RABGAP1L: variants seen among roughly 807,000 people sequenced by gnomAD.
RABGAP1L encodes RAB GTPase activating protein 1 like.
A neutral mutation model predicts 137.7 loss-of-function variants in RABGAP1L; 63 were observed. The ratio of observed to expected loss-of-function variants is 0.46; its 90% CI spans 0.37 to 0.56. The LOEUF is 0.56. RABGAP1L is among the 20% of genes least tolerant of loss of function. The pLI is 0.00. For synonymous variants in RABGAP1L, 431 were observed against 433.7 expected, an observed-to-expected ratio of 0.99 and a Z score of 0.08; for missense variants, 1,095 against 1,244.0, an observed-to-expected ratio of 0.88 and a Z score of 1.80.
chr1:174,308,857 A>G (rs1337396158), intron 11 of RABGAP1L, among the ~76,000 whole-genome samples: 1 of 151,776 alleles, frequency 6.6e-6, no homozygotes, highest in African/African-American at 2.4e-5. Context: ...CCTATTTGGG[A>G]TCCTTTGTGG....
In RABGAP1L at chr1:174,575,880, C is replaced by A. The variant is rs189430012; in HGVS notation, c.1711-61495C>A. Among the ~76,000 whole-genome samples the A allele has an allele frequency of 4.8e-4, 73 of 152,204 alleles. 1 individual carries two copies. Among genetic ancestry groups the A allele is most frequent in the African/African-American group, 1.7e-3 (71 of 41,524 alleles). On this transcript the variant is annotated intron_variant, in intron 13 of 25. Coordinates refer to ENST00000681986, the MANE Select transcript of RABGAP1L (RefSeq NM_001366446.1). Reference sequence around the variant, plus strand: ...GCTGCCAATGCACTGGATATACCAGCATTTATTATTAAGTTTAGTGAGGGC... The same window carrying A: ...GCTGCCAATGCACTGGATATACCAGAATTTATTATTAAGTTTAGTGAGGGC...
intron 12 of RABGAP1L, among the ~76,000 whole-genome samples, chr1:174,381,150 G>T (rs1301430667): frequency 7.5e-6 from 1 of 132,740 alleles, no homozygotes; most frequent in Non-Finnish European, 1.6e-5. Flanking sequence ...TGTGGTCTGA[G>T]AGATAGTTTG....
chr1:174,502,068 A>T (rs1169007099), intron 13 of RABGAP1L, among the ~76,000 whole-genome samples: 1 of 151,744 alleles, frequency 6.6e-6, no homozygotes, highest in Admixed American at 6.5e-5. Context: ...CATGAAAATT[A>T]TAAATAGAAA....
chr1:174,954,818 T>C (rs553098381), intron 19 of RABGAP1L, among the ~76,000 whole-genome samples: 190 of 152,292 alleles, frequency 1.2e-3, no homozygotes, highest in African/African-American at 4.3e-3. Flanking sequence ...TAGGGAAACA[T>C]TGGAGACACC....
At chr1:174,248,955 C>T (rs940947855) in intron 5 of RABGAP1L, among the ~76,000 whole-genome samples, 4 of 152,030 alleles carry the variant, frequency 2.6e-5, no homozygotes, top group East Asian at 1.9e-4. Flanking sequence ...TCAACCTATG[C>T]GTGGGCTGAG....
intron 11 of RABGAP1L, among the ~76,000 whole-genome samples, chr1:174,332,584 T>C (rs1470888460): frequency 6.6e-6 from 1 of 151,876 alleles, no homozygotes; most frequent in Admixed American, 6.6e-5. Flanking sequence ...TTAGTAGAGA[T>C]GGGGTTTTCC....
intron 19 of RABGAP1L, among the ~76,000 whole-genome samples, chr1:174,872,125 C>T (rs1232843233): frequency 1.3e-5 from 2 of 151,578 alleles, no homozygotes; most frequent in Non-Finnish European, 2.9e-5. Context: ...ACTGGTTTTT[C>T]TTTTTTTAGT....
chr1:174,324,227 C>G (rs1456239183), intron 11 of RABGAP1L, among the ~76,000 whole-genome samples: 1 of 151,886 alleles, frequency 6.6e-6, no homozygotes, highest in Non-Finnish European at 1.5e-5. Flanking sequence ...ATGACTACCT[C>G]AAAATGTAAG....
chr1:174,186,509 C>A (rs189020283), intron 1 of RABGAP1L, among the ~76,000 whole-genome samples: 2 of 152,332 alleles, frequency 1.3e-5, no homozygotes, highest in East Asian at 3.9e-4. Flanking sequence ...GTTCAGAATG[C>A]TATCTGTCTA....
intron 13 of RABGAP1L, among the ~76,000 whole-genome samples, chr1:174,467,156 C>G (rs1657392729): frequency 6.6e-6 from 1 of 152,068 alleles, no homozygotes; most frequent in African/African-American, 2.4e-5. Flanking sequence ...GCCATTTATT[C>G]TTAGGGATGG....
chr1:174,614,463 G>A (rs1671592565), intron 13 of RABGAP1L, among the ~76,000 whole-genome samples: 1 of 152,160 alleles, frequency 6.6e-6, no homozygotes, highest in East Asian at 1.9e-4. Flanking sequence ...AGACTGATGG[G>A]CTTCCCTTTG....
rs147776300 is a variant in RABGAP1L at position 174,414,431 on chromosome 1, A to C, written c.1710+20286A>C. Among the ~76,000 whole-genome samples the C allele has an allele frequency of 1.3e-3, 195 of 152,116 alleles. 1 individual carries two copies. Among genetic ancestry groups the C allele is most frequent in the African/African-American group, 4.7e-3 (193 of 41,486 alleles). ...TTGTATGACTTTTAGTTGATTTTTA[A>C]ATTGACAGGATAGTAGGCTGTCCTA... is the stretch of plus-strand genomic sequence containing the variant. On this transcript the variant is annotated intron_variant, in intron 13 of 25. Coordinates refer to ENST00000681986, the MANE Select transcript of RABGAP1L (RefSeq NM_001366446.1).
At chr1:174,206,534 C>T (rs962990383) in intron 1 of RABGAP1L, among the ~76,000 whole-genome samples, 3 of 152,170 alleles carry the variant, frequency 2.0e-5, no homozygotes, top group African/African-American at 7.2e-5. Flanking sequence ...CTCCTACAGT[C>T]ATTCTAATTC....
intron 13 of RABGAP1L, among the ~76,000 whole-genome samples, chr1:174,550,141 A>G (rs1666314087): frequency 6.6e-6 from 1 of 152,208 alleles, no homozygotes; most frequent in Non-Finnish European, 1.5e-5. Context: ...TAAAATGGTA[A>G]CACTAGTTGA....
chr1:174,713,527 G>A (rs1005506609), intron 17 of RABGAP1L, among the ~76,000 whole-genome samples: 9 of 152,094 alleles, frequency 5.9e-5, no homozygotes, highest in Admixed American at 6.5e-5. Context: ...TGGGAGATAT[G>A]GTTGTTTAGA....
chr1:174,262,529 C>T (rs367695005), intron 7 of RABGAP1L, among the ~76,000 whole-genome samples: 13 of 152,100 alleles, frequency 8.5e-5, no homozygotes, highest in African/African-American at 3.1e-4. Flanking sequence ...GTGTGCTTCC[C>T]CATTTCCCCC....
At chr1:174,313,276 G>A (rs921174997) in intron 11 of RABGAP1L, among the ~76,000 whole-genome samples, 1 of 152,102 alleles carries the variant, frequency 6.6e-6, no homozygotes, top group Non-Finnish European at 1.5e-5. Flanking sequence ...TTGACAATTG[G>A]CATATGTAAA....
At chr1:174,384,374 A>G (rs1462592550) in intron 12 of RABGAP1L, among the ~76,000 whole-genome samples, 1 of 152,136 alleles carries the variant, frequency 6.6e-6, no homozygotes, top group African/African-American at 2.4e-5. Flanking sequence ...CATTTGTCAA[A>G]TCTCACAGAA....
At chr1:174,835,601 T>C (rs1692658094) in intron 19 of RABGAP1L, among the ~76,000 whole-genome samples, 1 of 152,058 alleles carries the variant, frequency 6.6e-6, no homozygotes, top group Admixed American at 6.5e-5. Flanking sequence ...TATTTTCTTT[T>C]CTTTCTGCTG....
Sources: gnomAD v4.1 joint callset for allele counts (sites outside exome capture counted in the v4.1 genomes callset) on GRCh38, gnomAD v4.1.1 for gene constraint, MANE v1.5 for transcripts, NCBI Gene and HGNC (gene_info 2026-07-23, HGNC 2026-07-21) for gene names.